Variants in TMEM178B observed in about 807,000 individuals in gnomAD.
TMEM178B encodes transmembrane protein 178B.
Under a neutral mutation model 31.0 loss-of-function variants are expected in TMEM178B, and 5 were observed. The ratio of observed to expected loss-of-function variants is 0.16; its 90% CI spans 0.08 to 0.34. The LOEUF (loss-of-function observed/expected upper bound fraction) is 0.34. Among genes scored for constraint, TMEM178B ranks in the 10% least tolerant of loss-of-function variants. The pLI, the probability that TMEM178B is intolerant of heterozygous loss-of-function variation, is 1.00. For synonymous variants in TMEM178B, 164 were observed against 164.0 expected, an observed-to-expected ratio of 1.00 and a Z score of 0.00; for missense variants, 275 against 400.3, an observed-to-expected ratio of 0.69 and a Z score of 2.67.
intron 2 of TMEM178B, among the ~76,000 whole-genome samples, chr7:141,270,395 G>A (rs1323719975): frequency 6.6e-6 from 1 of 152,042 alleles, no homozygotes; most frequent in Admixed American, 6.6e-5. Flanking sequence ...CTGGGTTCAA[G>A]CAATTCTCCT....
chr7:141,096,466 T>G (rs2129172945), intron 1 of TMEM178B, among the ~76,000 whole-genome samples: 1 of 152,348 alleles, frequency 6.6e-6, no homozygotes, highest in East Asian at 1.9e-4. Flanking sequence ...GGCAAAGCCT[T>G]GAGAAGCCTG....
intron 2 of TMEM178B, among the ~76,000 whole-genome samples, chr7:141,296,447 G>A (rs1171245862): frequency 6.6e-6 from 1 of 152,142 alleles, no homozygotes; most frequent in Non-Finnish European, 1.5e-5. Context: ...CATTTCTTAT[G>A]AGTCTATGGC....
At chr7:141,460,675 A>G (rs1802044875) in intron 3 of TMEM178B, among the ~76,000 whole-genome samples, 1 of 152,178 alleles carries the variant, frequency 6.6e-6, no homozygotes, top group African/African-American at 2.4e-5. Context: ...GAAAGCTCAC[A>G]CCTGGGTGCA....
chr7:141,367,211 A>C (rs1307909350), intron 2 of TMEM178B, among the ~76,000 whole-genome samples: 1 of 151,874 alleles, frequency 6.6e-6, no homozygotes. Context: ...TTTCTTTTAC[A>C]AACCAATTAT....
At chr7:141,416,849 C>T (rs544187008) in intron 2 of TMEM178B, among the ~76,000 whole-genome samples, 1 of 152,268 alleles carries the variant, frequency 6.6e-6, no homozygotes, top group East Asian at 1.9e-4. Flanking sequence ...CGAGCATTTA[C>T]TTAACAAAAG....
At chr7:141,401,662 T>C (rs1232361966) in intron 2 of TMEM178B, among the ~76,000 whole-genome samples, 3 of 152,142 alleles carry the variant, frequency 2.0e-5, no homozygotes, top group African/African-American at 7.2e-5. Context: ...CAACTTGGCC[T>C]CCTAAAGTGC....
At chr7:141,209,280 C>G (rs1298068769) in intron 1 of TMEM178B, among the ~76,000 whole-genome samples, 1 of 152,224 alleles carries the variant, frequency 6.6e-6, no homozygotes, top group Non-Finnish European at 1.5e-5. Context: ...CATTGAGACA[C>G]TGTTCTGTGA....
At chr7:141,219,778 G>T (rs562706378) in intron 2 of TMEM178B, among the ~76,000 whole-genome samples, 1 of 152,262 alleles carries the variant, frequency 6.6e-6, no homozygotes, top group South Asian at 2.1e-4. Flanking sequence ...TGTTCTTGCA[G>T]AAGTAACTCA....
the TMEM178B span, among the ~76,000 whole-genome samples, chr7:141,499,464 CAAAAA>C: frequency 6.9e-4 from 35 of 50,712 alleles, 1 homozygote; most frequent in African/African-American, 1.9e-3. Flanking sequence ...CACATCTCTA[CAAAAA>C]AAAAAAAAAA....
At chr7:141,309,484 G>A (rs539777815) in intron 2 of TMEM178B, among the ~76,000 whole-genome samples, 1 of 152,224 alleles carries the variant, frequency 6.6e-6, no homozygotes, top group Non-Finnish European at 1.5e-5. Flanking sequence ...AAAAATAACT[G>A]TTGCTAGCAT....
chr7:141,446,101 A>G (rs1801748746), intron 3 of TMEM178B, among the ~76,000 whole-genome samples: 1 of 152,218 alleles, frequency 6.6e-6, no homozygotes, highest in Non-Finnish European at 1.5e-5. Flanking sequence ...ACTAGGAAAT[A>G]ACATCCGGGT....
At chr7:141,195,138 G>T (rs967687043) in intron 1 of TMEM178B, among the ~76,000 whole-genome samples, 2 of 152,168 alleles carry the variant, frequency 1.3e-5, no homozygotes, top group Admixed American at 6.5e-5. Context: ...TTTCCCCATG[G>T]TCTTGTGGAT....
intron 2 of TMEM178B, among the ~76,000 whole-genome samples, chr7:141,346,655 T>C (rs1301373773): frequency 6.6e-6 from 1 of 152,018 alleles, no homozygotes; most frequent in Non-Finnish European, 1.5e-5. Context: ...TCTAATTCTT[T>C]GCTTTTTTTT....
chr7:141,269,369 A>G lies in TMEM178B; in HGVS notation c.496+56665A>G, dbSNP rs1798144734. On this transcript the variant is annotated intron_variant, in intron 2 of 3. Coordinates refer to ENST00000565468, the MANE Select transcript of TMEM178B (RefSeq NM_001195278.2). ...GCCTCCCAAAGTGCTTTCTGGGACT[A>G]TAGGCACGAGCCACTGTGCCTGGCC... 2.6e-5 allele frequency among the ~76,000 whole-genome samples: 4 copies of G among 152,140 alleles called. No homozygotes were observed. The South Asian group carries it at 8.3e-4, about 32-fold the overall frequency.
chr7:141,082,094 G>C lies in TMEM178B; in HGVS notation c.382+7402G>C, dbSNP rs1000485349. ...AGGCTATACCACATAACCTTGGTGTGTACTAGGCTACACCATCTAGGTTGT... is the reference window on the plus strand; with the variant it reads ...AGGCTATACCACATAACCTTGGTGTCTACTAGGCTACACCATCTAGGTTGT... On this transcript the variant is annotated intron_variant, in intron 1 of 3. Transcript: ENST00000565468. 2.6e-5 allele frequency among the ~76,000 whole-genome samples: 4 copies of C among 152,226 alleles called. 1 individual carries two copies. Among genetic ancestry groups the C allele is most frequent in the Admixed American group, 2.0e-4 (3 of 15,286 alleles).
chr7:141,101,539 T>C (rs1795056736), intron 1 of TMEM178B, among the ~76,000 whole-genome samples: 1 of 152,234 alleles, frequency 6.6e-6, no homozygotes, highest in South Asian at 2.1e-4. Context: ...TGATTTGAAC[T>C]TGGAAGCTGC....
Position 141,422,371 on chromosome 7 carries a change from A to C in TMEM178B, c.497-15237A>C, listed in dbSNP as rs1469184002. Among the ~76,000 whole-genome samples the C allele has an allele frequency of 2.0e-5, 3 of 152,232 alleles. No homozygotes were observed. Among genetic ancestry groups the C allele is most frequent in the African/African-American group, 7.2e-5 (3 of 41,460 alleles). On this transcript the variant is annotated intron_variant, in intron 2 of 3. Transcript: ENST00000565468. This position sits in a 1 kb window ranked among gnomAD's most constrained non-coding sequence, Gnocchi z 4.2. Reference sequence around the variant, plus strand: ...TCCTGATGTGGGGAGGACACCTTCCAGCTGAGCTGGTTCTGCTCCCACTTC... The same window carrying C: ...TCCTGATGTGGGGAGGACACCTTCCCGCTGAGCTGGTTCTGCTCCCACTTC...
intron 2 of TMEM178B, among the ~76,000 whole-genome samples, chr7:141,335,335 A>T (rs2116497254): frequency 6.6e-6 from 1 of 152,266 alleles, no homozygotes; most frequent in Non-Finnish European, 1.5e-5. Flanking sequence ...CAGGGTCCCT[A>T]TCTGTCTCTC....
At chr7:141,093,319 G>A (rs1563085559) in intron 1 of TMEM178B, among the ~76,000 whole-genome samples, 2 of 152,334 alleles carry the variant, frequency 1.3e-5, no homozygotes, top group East Asian at 3.9e-4. Flanking sequence ...AGAAGTCAAA[G>A]ATGGCACCAA....
Sources: gnomAD v4.1 joint callset for allele counts (sites outside exome capture counted in the v4.1 genomes callset) on GRCh38, gnomAD v4.1.1 for gene constraint, Gnocchi (gnomAD v3.1) non-coding constraint, MANE v1.5 for transcripts, NCBI Gene and HGNC (gene_info 2026-07-23, HGNC 2026-07-21) for gene names.